PDGFRL: variants seen among roughly 807,000 people sequenced by gnomAD.
The protein encoded by PDGFRL is platelet derived growth factor receptor like.
PDGFRL carries 46 observed loss-of-function variants against 37.2 expected under a neutral mutation model. That is an observed-to-expected ratio of 1.24 (90% CI 0.98 to 1.58). The LOEUF (loss-of-function observed/expected upper bound fraction) is 1.58, where lower values mean the gene tolerates loss of function less well. Ranked by LOEUF, PDGFRL falls within the 40% of genes most tolerant of loss-of-function variation. PDGFRL has a pLI of 0.00. For missense variants in PDGFRL, 692 were observed against 467.6 expected, an observed-to-expected ratio of 1.48 and a Z score of -4.43; for synonymous variants, 251 against 184.3, an observed-to-expected ratio of 1.36 and a Z score of -2.93.
chr8:17,621,762 C>T (rs1804639758), intron 3 of PDGFRL, among the ~76,000 whole-genome samples: 1 of 152,120 alleles, frequency 6.6e-6, no homozygotes. Flanking sequence ...CTTCTCAGAA[C>T]CTATGACCAT....
At chr8:17,583,559 G>A (rs1803752771) in intron 1 of PDGFRL, among the ~76,000 whole-genome samples, 1 of 152,132 alleles carries the variant, frequency 6.6e-6, no homozygotes, top group African/African-American at 2.4e-5. Flanking sequence ...CATGAGTTTT[G>A]GGGGGCCAGA....
At chr8:17,601,641 C>T (rs1034436983) in intron 2 of PDGFRL, among the ~76,000 whole-genome samples, 6 of 152,026 alleles carry the variant, frequency 3.9e-5, no homozygotes, top group African/African-American at 1.4e-4. Context: ...TCAAGTGGGC[C>T]CCTGTGTCTA....
intron 1 of PDGFRL, among the ~76,000 whole-genome samples, chr8:17,578,698 G>A (rs1177680313): frequency 6.6e-6 from 1 of 152,174 alleles, no homozygotes; most frequent in African/African-American, 2.4e-5. Context: ...TAGAGGCTCA[G>A]AAATTGACTT....
At chr8:17,616,302 G>C (rs1229061238) in intron 2 of PDGFRL, among the ~76,000 whole-genome samples, 1 of 151,964 alleles carries the variant, frequency 6.6e-6, no homozygotes, top group Non-Finnish European at 1.5e-5. Flanking sequence ...TCAAGCGATT[G>C]TCCTGCGTCA....
chr8:17,603,123 C>T (rs1232399350), intron 2 of PDGFRL, among the ~76,000 whole-genome samples: 6 of 152,138 alleles, frequency 3.9e-5, no homozygotes, highest in Non-Finnish European at 5.9e-5. Flanking sequence ...GCTGAGGTTA[C>T]AGGCGTGCGC....
rs533642498 is a variant in PDGFRL at position 17,640,928 on chromosome 8, C to G, written c.940-1685C>G. Among the ~76,000 whole-genome samples the G allele has an allele frequency of 1.1e-4, 16 of 151,574 alleles. 1 individual carries two copies. Among genetic ancestry groups the G allele is most frequent in the Non-Finnish European group, 2.2e-4 (15 of 67,956 alleles). ...CTAGGCGTGTCTGAGCTCAGACACT[C>G]TCCTTGGGCGGGTCTTGCTATGGCT... On this transcript the variant is annotated intron_variant, in intron 5 of 5. Transcript: ENST00000251630.
At chr8:17,611,856 G>A (rs1285971314) in intron 2 of PDGFRL, among the ~76,000 whole-genome samples, 2 of 152,228 alleles carry the variant, frequency 1.3e-5, no homozygotes, top group Non-Finnish European at 2.9e-5. Context: ...GCTGACAGAG[G>A]AGAAATGAGA....
At chr8:17,623,853 G>A (rs1804681946) in intron 3 of PDGFRL, among the ~76,000 whole-genome samples, 1 of 128,742 alleles carries the variant, frequency 7.8e-6, no homozygotes. Context: ...CAACCTGGGC[G>A]ACAGAGCAAG....
chr8:17,617,063 C>T (rs530800037), intron 2 of PDGFRL, among the ~76,000 whole-genome samples: 3 of 152,316 alleles, frequency 2.0e-5, no homozygotes, highest in African/African-American at 7.2e-5. Flanking sequence ...TTCAGTCCTC[C>T]ACTGATGGGA....
intron 1 of PDGFRL, among the ~76,000 whole-genome samples, chr8:17,583,134 G>C (rs1238891861): frequency 6.6e-6 from 1 of 152,188 alleles, no homozygotes; most frequent in Non-Finnish European, 1.5e-5. Flanking sequence ...TGGAGGCTTA[G>C]CTTCCACCTA....
At chr8:17,633,662 G>A (rs111732680) in intron 4 of PDGFRL, among the ~76,000 whole-genome samples, 1 of 152,192 alleles carries the variant, frequency 6.6e-6, no homozygotes, top group Non-Finnish European at 1.5e-5. Context: ...TAGATTTTCT[G>A]TTCGTCTTCT....
chr8:17,620,440 G>T (rs920760297), intron 2 of PDGFRL, among the ~76,000 whole-genome samples: 1 of 151,968 alleles, frequency 6.6e-6, no homozygotes, highest in African/African-American at 2.4e-5. Flanking sequence ...ATACAGGGTG[G>T]CCATTTACCT....
At chr8:17,606,939 A>G (rs1280968045) in intron 2 of PDGFRL, among the ~76,000 whole-genome samples, 15 of 128,232 alleles carry the variant, frequency 1.2e-4, no homozygotes, top group African/African-American at 4.3e-4. Context: ...TCTGTCACCC[A>G]GGCTGGAGTG....
chr8:17,620,959 GT>G (rs1804617691), intron 2 of PDGFRL, 91 bp from the exon 3 acceptor site: 1 of 812,278 alleles, frequency 1.2e-6, no homozygotes, highest in Admixed American at 3.2e-5. Flanking sequence ...ATTGGGGCAA[GT>G]CTGCCCAGAG....
chr8:17,624,973 A>AT (rs1179478605), intron 3 of PDGFRL, among the ~76,000 whole-genome samples: 3 of 134,380 alleles, frequency 2.2e-5, no homozygotes, highest in African/African-American at 7.5e-5. Context: ...GCATTTATTT[A>AT]TTTTTTTATT....
rs140669368 is a variant in PDGFRL, at chr8:17,626,885, C to T, written c.506-1602C>T. Among the ~76,000 whole-genome samples the T allele has an allele frequency of 8.6e-3, 1,316 of 152,294 alleles. 27 individuals carry two copies. Among genetic ancestry groups the T allele is most frequent in the African/African-American group, 0.03 (1,260 of 41,556 alleles). On this transcript the variant is annotated intron_variant, in intron 3 of 5. Coordinates refer to ENST00000251630, the MANE Select transcript of PDGFRL (RefSeq NM_001372073.1). ...ATGCCATCATCTGAGCTTAAAGAAC[C>T]AGGCAGAGTAATTTCAGAGGAAATG...
At chr8:17,588,648 G>A (rs903288136) in intron 1 of PDGFRL, among the ~76,000 whole-genome samples, 1 of 152,154 alleles carries the variant, frequency 6.6e-6, no homozygotes, top group Non-Finnish European at 1.5e-5. Flanking sequence ...ATTCCAGCCT[G>A]GGTGACAGAG....
intron 4 of PDGFRL, 133 bp downstream of exon 4, chr8:17,628,913 G>T (rs962147552): frequency 4.8e-6 from 3 of 625,326 alleles, no homozygotes; most frequent in Non-Finnish European, 8.3e-6. Context: ...GGTTGTTGTT[G>T]TTTTTTTTTC....
rs376835113 is a variant in PDGFRL at position 17,642,850 on chromosome 8, C to T, written c.*49C>T. ...CTTATGGAAAGCCCATTTGTGTACA[C>T]AGTCAGCTTTGGGGTTCCTTTTATT... is the stretch of plus-strand genomic sequence containing the variant. On this transcript the variant is annotated 3_prime_UTR_variant, in exon 6 of 6. Transcript: ENST00000251630. 14 of 1,250,326 alleles carry T rather than the reference C, an allele frequency of 1.1e-5. No individual in the cohort carries two copies. Among genetic ancestry groups the T allele is most frequent in the Non-Finnish European group, 1.6e-5 (14 of 861,248 alleles). The allele number at this position is 1,250,326 out of a possible 1,614,324, so 77.5% of individuals were successfully genotyped here.
Sources: allele counts gnomAD v4.1 joint callset (sites outside exome capture counted in the v4.1 genomes callset), GRCh38; gene constraint gnomAD v4.1.1; transcripts MANE v1.5; gene names NCBI Gene and HGNC (gene_info 2026-07-23, HGNC 2026-07-21).